The following IMMP2L variants were observed in gnomAD, a reference collection of about 807,000 sequenced individuals.
The protein encoded by IMMP2L is inner mitochondrial membrane peptidase subunit 2.
IMMP2L carries 18 observed loss-of-function variants against 19.3 expected under a neutral mutation model. That is an observed-to-expected ratio of 0.93 (90% CI 0.64 to 1.38). The LOEUF (loss-of-function observed/expected upper bound fraction) is 1.38. Ranked by LOEUF, IMMP2L falls within the 40% of genes most tolerant of loss-of-function variation. The probability of loss-of-function intolerance (pLI) is 0.00; values close to 1 mark genes in which losing one functional copy is unlikely to be tolerated. For missense variants in IMMP2L, 233 were observed against 218.2 expected (o/e 1.07, Z -0.43); for synonymous variants, 76 against 73.0 (o/e 1.04, Z -0.21).
chr7:111,228,641 A>C (rs1813364807), intron 3 of IMMP2L, among the ~76,000 whole-genome samples: 1 of 151,926 alleles, frequency 6.6e-6, no homozygotes, highest in African/African-American at 2.4e-5. Context: ...ACCATACATA[A>C]AGTTTGGTGA....
At chr7:110,700,960 T>G (rs538762205) in intron 5 of IMMP2L, among the ~76,000 whole-genome samples, 1 of 152,348 alleles carries the variant, frequency 6.6e-6, no homozygotes, top group Admixed American at 6.5e-5. Flanking sequence ...ATATCCATTT[T>G]ATAGATTTTG....
chr7:110,940,592 T>C (rs910185020), intron 4 of IMMP2L, among the ~76,000 whole-genome samples: 2 of 152,152 alleles, frequency 1.3e-5, no homozygotes, highest in Non-Finnish European at 2.9e-5. Flanking sequence ...TAGGCAGCTA[T>C]GGAAACTTGG....
At chr7:111,121,825 A>C (rs1212608363) in intron 3 of IMMP2L, among the ~76,000 whole-genome samples, 1 of 152,164 alleles carries the variant, frequency 6.6e-6, no homozygotes, top group Non-Finnish European at 1.5e-5. Context: ...CTTGGAACCA[A>C]CCCAAATGTC....
intron 5 of IMMP2L, among the ~76,000 whole-genome samples, chr7:110,704,020 TG>T (rs1226889961): frequency 2.0e-5 from 3 of 152,004 alleles, no homozygotes; most frequent in Non-Finnish European, 4.4e-5. Context: ...TAATTTTTTT[TG>T]TATTTTTAGT....
chr7:111,434,382 T>TAAAA (rs1277234271), intron 3 of IMMP2L, among the ~76,000 whole-genome samples: 1 of 149,850 alleles, frequency 6.7e-6, no homozygotes, highest in Middle Eastern at 3.4e-3. Flanking sequence ...TTAAATACAG[T>TAAAA]AAAAAGCTTC....
intron 3 of IMMP2L, among the ~76,000 whole-genome samples, chr7:111,452,544 C>T (rs760445052): frequency 6.6e-6 from 1 of 152,120 alleles, no homozygotes; most frequent in Non-Finnish European, 1.5e-5. Flanking sequence ...TTATCATTTT[C>T]TACTGCTGAA....
At chr7:110,985,669 T>A (rs1821786365) in intron 3 of IMMP2L, among the ~76,000 whole-genome samples, 1 of 152,140 alleles carries the variant, frequency 6.6e-6, no homozygotes. Context: ...AATGAAATAA[T>A]AAAACATTTA....
intron 3 of IMMP2L, among the ~76,000 whole-genome samples, chr7:111,212,629 G>C (rs566119913): frequency 2.6e-5 from 4 of 152,194 alleles, no homozygotes; most frequent in Admixed American, 6.5e-5. Flanking sequence ...CAAAAAAAAG[G>C]GGGGGTGGCA....
intron 3 of IMMP2L, among the ~76,000 whole-genome samples, chr7:110,976,537 A>G (rs1042446374): frequency 7.9e-5 from 12 of 152,098 alleles, no homozygotes; most frequent in African/African-American, 2.9e-4. Context: ...ATGGCAACTG[A>G]GATTTTAAAA....
intron 5 of IMMP2L, among the ~76,000 whole-genome samples, chr7:110,859,633 C>T (rs941402005): frequency 2.0e-5 from 3 of 151,406 alleles, no homozygotes; most frequent in East Asian, 3.9e-4. Flanking sequence ...GTCTCAGACA[C>T]TCAGGAGGCT....
intron 4 of IMMP2L, among the ~76,000 whole-genome samples, chr7:110,909,885 C>T (rs934605834): frequency 3.4e-5 from 5 of 148,274 alleles, no homozygotes; most frequent in African/African-American, 1.3e-4. Flanking sequence ...CAGTGTTAAA[C>T]AGAGGAGAGA....
At chr7:111,227,202 A>C (rs1813199021) in intron 3 of IMMP2L, among the ~76,000 whole-genome samples, 3 of 152,044 alleles carry the variant, frequency 2.0e-5, no homozygotes, top group Non-Finnish European at 2.9e-5. Flanking sequence ...TTCACCTTGC[A>C]AACAGCCATA....
At chr7:111,260,408 G>A (rs1201477625) in intron 3 of IMMP2L, among the ~76,000 whole-genome samples, 3 of 152,146 alleles carry the variant, frequency 2.0e-5, no homozygotes, top group African/African-American at 7.2e-5. Flanking sequence ...ATGACTGTAT[G>A]TAAACTGTAA....
chr7:110,780,172 G>T (rs565373499), intron 5 of IMMP2L, among the ~76,000 whole-genome samples: 2 of 151,384 alleles, frequency 1.3e-5, no homozygotes, highest in Admixed American at 1.3e-4. Context: ...GCTTCATTAT[G>T]ATTTGAATGC....
chr7:111,336,229 T>C (rs1179944354), intron 3 of IMMP2L, among the ~76,000 whole-genome samples: 1 of 150,398 alleles, frequency 6.6e-6, no homozygotes, highest in Non-Finnish European at 1.5e-5. Flanking sequence ...TTTTTTTAAG[T>C]TTTTTGTAGA....
intron 3 of IMMP2L, among the ~76,000 whole-genome samples, chr7:111,325,758 G>A (rs758282761): frequency 6.6e-6 from 1 of 151,502 alleles, no homozygotes; most frequent in East Asian, 1.9e-4. Context: ...TTCCGACCAC[G>A]AGTATATAAC....
intron 3 of IMMP2L, among the ~76,000 whole-genome samples, chr7:111,021,136 A>G (rs932414493): frequency 2.0e-5 from 3 of 152,220 alleles, no homozygotes; most frequent in African/African-American, 7.2e-5. Context: ...AGAGTGGGTG[A>G]ACAATACACT....
chr7:110,875,958 C>T (rs187905099), intron 5 of IMMP2L, among the ~76,000 whole-genome samples: 4 of 152,144 alleles, frequency 2.6e-5, no homozygotes, highest in East Asian at 1.9e-4. Context: ...TATTTTAATA[C>T]AGTAACTTCA....
rs547085582 is a variant in IMMP2L at position 110,799,828 on chromosome 7, T to C, written c.408+86765A>G. Among the ~76,000 whole-genome samples the C allele has an allele frequency of 3.3e-5, 5 of 152,062 alleles. No individual in the cohort carries two copies. In the East Asian group the frequency reaches 9.7e-4, roughly 29 times the overall value. ...GTTTTGTCTGAATTACGAATTCCAC[T>C]GGTTGAGGCTTTGCTTCAGTTCACC... On this transcript the variant is annotated intron_variant, in intron 5 of 5. Coordinates refer to ENST00000405709, the MANE Select transcript of IMMP2L (RefSeq NM_032549.4).
Sources: gnomAD v4.1 joint callset for allele counts (sites outside exome capture counted in the v4.1 genomes callset) on GRCh38, gnomAD v4.1.1 for gene constraint, MANE v1.5 for transcripts, NCBI Gene and HGNC (gene_info 2026-07-23, HGNC 2026-07-21) for gene names.